RNF166: variants seen among roughly 807,000 people sequenced by gnomAD.
RNF166 encodes the protein E3 ubiquitin-protein ligase RNF166.
A neutral mutation model predicts 29.4 loss-of-function variants in RNF166; 19 were observed. The observed-to-expected ratio is 0.65, with a 90% CI of 0.45 to 0.95. RNF166 has a LOEUF of 0.95. Ranked by LOEUF, RNF166 falls within the 40% of genes least tolerant of loss-of-function variation. The probability of loss-of-function intolerance (pLI) is 0.00; values close to 1 mark genes in which losing one functional copy is unlikely to be tolerated. For synonymous variants in RNF166, 171 were observed against 134.5 expected (o/e 1.27, Z -1.88); for missense variants, 347 against 322.1 (o/e 1.08, Z -0.59).
Position 88,698,589 on chromosome 16 carries a change from T to G in RNF166, c.561A>C (p.Ala187=). ...TGTAGCTGGGGTCCCCCCAGGGCAT[T>G]GCCGAGCAGATGGGGCACACCTGGA... ...PNRVVCPICS[A]MPWGDPSYKS... The change falls in exon 5 of 6, where the codon GCA becomes GCC. Residue 187 remains alanine, a synonymous_variant. Coordinates refer to ENST00000312838, the MANE Select transcript of RNF166 (RefSeq NM_178841.4). The G allele has an allele frequency of 6.5e-7, 1 of 1,542,584 alleles. No homozygotes were observed. The highest frequency in any genetic ancestry group is 8.8e-7 in the Non-Finnish European group (1 of 1,141,688).
Position 88,697,493 on chromosome 16 carries a change from C to T in RNF166, c.*75G>A, listed in dbSNP as rs1245994306. 8.8e-6 allele frequency: 10 copies of T among 1,134,056 alleles called. No homozygotes were observed. In the Admixed American group the frequency reaches 1.0e-4, roughly 12 times the overall value. The allele number at this position is 1,134,056 out of a possible 1,614,324, so 70.2% of individuals were successfully genotyped here. A position where few individuals can be genotyped will look rare whatever the true frequency, so the allele number is the denominator to read the frequency against. The stretch of plus-strand genomic sequence containing the variant: ...AGCTCAGTCCGGTGAGGTGCGCTCC[C>T]GAGCAGGTGCCAGGTGCGACACAGG... On this transcript the variant is annotated 3_prime_UTR_variant, in exon 6 of 6. Coordinates refer to ENST00000312838, the MANE Select transcript of RNF166 (RefSeq NM_178841.4).
intron 1 of RNF166, chr16:88,704,312 G>A (rs1038032575): frequency 1.4e-5 from 14 of 985,320 alleles, no homozygotes; most frequent in African/African-American, 5.2e-5. Flanking sequence ...AGGAAAAGTC[G>A]GGGAGAAAAA....
chr16:88,698,062 C>A, intron 5 of RNF166: 1 of 556,868 alleles, frequency 1.8e-6, no homozygotes, highest in South Asian at 2.1e-5. Flanking sequence ...AGGGGCCGCA[C>A]CAGGAGTGAG....
At position 88,697,545 on chromosome 16, in the gene RNF166, C is replaced by T. The variant is rs113743620; in HGVS notation, c.*23G>A. On this transcript the variant is annotated 3_prime_UTR_variant, in exon 6 of 6. Coordinates refer to ENST00000312838, the MANE Select transcript of RNF166 (RefSeq NM_178841.4). ...GCGGGGACATCCCTGACCCCAGACG[C>T]AGGCGGGTGGCTGCGCTTCCCTTCA... is the stretch of plus-strand genomic sequence containing the variant. 38 of 1,539,748 alleles carry T rather than the reference C, an allele frequency of 2.5e-5. 1 individual carries two copies. Among genetic ancestry groups the T allele is most frequent in the African/African-American group, 2.3e-4 (17 of 72,980 alleles).
At position 88,697,680 on chromosome 16, in the gene RNF166, G is replaced by C. The variant is rs149879151; in HGVS notation, c.649-47C>G. 4,418 of 1,403,720 alleles carry C rather than the reference G, an allele frequency of 3.1e-3. 9 individuals are homozygous for C. The highest frequency in any genetic ancestry group is 4.0e-3 in the Non-Finnish European group (4,058 of 1,014,066). The allele number at this position is 1,403,720 out of a possible 1,614,324, so 87.0% of individuals were successfully genotyped here. ...GCACCGGGCTCGAGGGAGACAGGAA[G>C]GAGAGGTCCCCTCTGCCCATCACCC... is the stretch of plus-strand genomic sequence containing the variant. On this transcript the variant is annotated intron_variant, in intron 5 of 5. Transcript: ENST00000312838.
At chr16:88,705,300 A>ACCC (rs1208022730) in intron 1 of RNF166, among the ~76,000 whole-genome samples, 2 of 151,452 alleles carry the variant, frequency 1.3e-5, no homozygotes, top group East Asian at 3.9e-4. Flanking sequence ...GTCTGGGTGC[A>ACCC]CCCCCCTCCA....
chr16:88,702,867 A>T (rs1910395100), intron 1 of RNF166: 1 of 985,046 alleles, frequency 1.0e-6, no homozygotes, highest in Admixed American at 6.2e-5. Context: ...CGCCTACTTC[A>T]CCCGTTCACG....
chr16:88,698,780 C>T (rs1303797176), intron 4 of RNF166, among the ~76,000 whole-genome samples, 171 bp from the exon 5 acceptor site: 1 of 151,970 alleles, frequency 6.6e-6, no homozygotes, highest in Non-Finnish European at 1.5e-5. Flanking sequence ...TGCGCGTCAC[C>T]CTGAAGGACT....
In RNF166 at chr16:88,706,341, G is replaced by GCGCCGCC. The variant is rs558499488; in HGVS notation, c.-23_-17dup. The GCGCCGCC allele has an allele frequency of 4.2e-4, 507 of 1,209,260 alleles. 3 individuals are homozygous for GCGCCGCC. In the East Asian group the frequency reaches 8.8e-3, roughly 21 times the overall value. 74.9% of individuals were successfully genotyped at this position (1,209,260 alleles called of 1,614,324 possible). On this transcript the variant is annotated 5_prime_UTR_variant, in exon 1 of 6. Coordinates refer to ENST00000312838, the MANE Select transcript of RNF166 (RefSeq NM_178841.4). ...ACATAGCCATCCCGGGGCCAGGCCC[G>GCGCCGCC]CGCCGCCCGCCGCCCGCTGTCCTGG...
chr16:88,699,769 G>A, intron 2 of RNF166, 37 bp from the exon 3 acceptor site: 1 of 1,525,496 alleles, frequency 6.6e-7, no homozygotes, highest in Non-Finnish European at 9.0e-7. Context: ...GCGGTCCTGA[G>A]AATCTGGAAG....
At chr16:88,699,914 C>T in intron 2 of RNF166, 182 bp from the exon 3 acceptor site, 1 of 515,180 alleles carries the variant, frequency 1.9e-6, no homozygotes, top group South Asian at 2.7e-5. Context: ...AGCCACTACT[C>T]CATGGCCAAA....
rs1313922680 is a variant in RNF166, at chr16:88,706,397, C to T, written c.-72G>A. On this transcript the variant is annotated 5_prime_UTR_variant, in exon 1 of 6. Transcript: ENST00000312838. ...GCCGGCCCGCTAGTCACAGCCGCTA[C>T]TGCGCCGCGCTGACGTCATCGTAGG... 11 of 1,221,980 alleles carry T rather than the reference C, an allele frequency of 9.0e-6. No homozygotes were observed. Among genetic ancestry groups the T allele is most frequent in the Admixed American group, 8.7e-5 (2 of 23,056 alleles). The allele number at this position is 1,221,980 out of a possible 1,614,324, so 75.7% of individuals were successfully genotyped here.
intron 1 of RNF166, chr16:88,704,436 C>A: frequency 2.0e-6 from 2 of 985,394 alleles, no homozygotes; most frequent in South Asian, 9.4e-5. Flanking sequence ...AGGAAAGATG[C>A]TCCACAATTC....
At chr16:88,700,001 T>C (rs923934726) in intron 2 of RNF166, 1 of 290,936 alleles carries the variant, frequency 3.4e-6, no homozygotes, top group Non-Finnish European at 6.4e-6. Context: ...GGTAAGGAGA[T>C]CTCTGGCGCC....
Position 88,697,544 on chromosome 16 carries a change from G to C in RNF166, c.*24C>G, listed in dbSNP as rs532078113. 1.3e-6 allele frequency: 2 copies of C among 1,537,002 alleles called. No homozygotes were observed. Among genetic ancestry groups the C allele is most frequent in the South Asian group, 2.4e-5 (2 of 83,652 alleles). ...AGCGGGGACATCCCTGACCCCAGAC[G>C]CAGGCGGGTGGCTGCGCTTCCCTTC... On this transcript the variant is annotated 3_prime_UTR_variant, in exon 6 of 6. Coordinates refer to ENST00000312838, the MANE Select transcript of RNF166 (RefSeq NM_178841.4).
At chr16:88,706,010 C>T (rs1048816686) in intron 1 of RNF166, among the ~76,000 whole-genome samples, 161 bp downstream of exon 1, 1 of 151,864 alleles carries the variant, frequency 6.6e-6, no homozygotes, top group African/African-American at 2.4e-5. Context: ...GCAGAGGCGG[C>T]GCGGCACAGG....
chr16:88,699,593 C>T, intron 3 of RNF166, 27 bp downstream of exon 3: 1 of 1,569,660 alleles, frequency 6.4e-7, no homozygotes, highest in Non-Finnish European at 8.7e-7. Flanking sequence ...AGGACAGTTC[C>T]TCTCCCTTGC....
rs571651198 is a variant in RNF166 at position 88,701,786 on chromosome 16, C to T, written c.156-368G>A. The T allele has an allele frequency of 3.3e-4, 79 of 238,180 alleles. 1 individual carries two copies. The Middle Eastern group carries it at 6.2e-3, about 19-fold the overall frequency. 14.8% of individuals were successfully genotyped at this position (238,180 alleles called of 1,614,324 possible). On this transcript the variant is annotated intron_variant, in intron 1 of 5. Coordinates refer to ENST00000312838, the MANE Select transcript of RNF166 (RefSeq NM_178841.4). ...GACAACACCTGGGTGGGCTGTGGGGCGCAGGGACAGCCCGGGGACTCTGGA... is the reference window on the plus strand; with the variant it reads ...GACAACACCTGGGTGGGCTGTGGGGTGCAGGGACAGCCCGGGGACTCTGGA...
Position 88,699,685 on chromosome 16 carries a change from G to C in RNF166, c.360C>G (p.Val120=), listed in dbSNP as rs1910011748. Reference sequence around the variant, plus strand: ...TGGGGCAGTTGGCCATCTGCTCCTGGACCTTCAGGCAGGACGAAATGTGCA... The same window carrying C: ...TGGGGCAGTTGGCCATCTGCTCCTGCACCTTCAGGCAGGACGAAATGTGCA... ...MRVHISSCLK[V]QEQMANCPKF... is the part of the protein sequence containing the mutation. Residue 120 remains valine (V), a synonymous_variant, in exon 3 of 6, where the codon GTC becomes GTG. Coordinates refer to ENST00000312838, the MANE Select transcript of RNF166 (RefSeq NM_178841.4). 1 of 1,613,478 alleles carries C rather than the reference G, an allele frequency of 6.2e-7. No individual in the cohort carries two copies. Among genetic ancestry groups the C allele is most frequent in the Non-Finnish European group, 8.5e-7 (1 of 1,179,884 alleles).
Sources: gnomAD v4.1 joint callset for allele counts (sites outside exome capture counted in the v4.1 genomes callset) on GRCh38, gnomAD v4.1.1 for gene constraint, MANE v1.5 for transcripts, NCBI Gene and HGNC (gene_info 2026-07-23, HGNC 2026-07-21) for gene names.